GRAMD2B: variants seen among roughly 807,000 people sequenced by gnomAD.
GRAMD2B encodes GRAM domain containing 2B.
A neutral mutation model predicts 59.2 loss-of-function variants in GRAMD2B; 41 were observed. The observed-to-expected ratio is 0.69, with a 90% CI of 0.54 to 0.90. The LOEUF (loss-of-function observed/expected upper bound fraction) is 0.90, where lower values mean the gene tolerates loss of function less well. Among genes scored for constraint, GRAMD2B ranks in the 40% least tolerant of loss-of-function variants. The pLI is 0.00. For missense variants in GRAMD2B, 424 were observed against 500.5 expected, an observed-to-expected ratio of 0.85 and a Z score of 1.46; for synonymous variants, 161 against 182.7, an observed-to-expected ratio of 0.88 and a Z score of 0.96.
chr5:126,450,039 C>G (rs1464728526), intron 1 of GRAMD2B, among the ~76,000 whole-genome samples: 1 of 152,092 alleles, frequency 6.6e-6, no homozygotes, highest in Non-Finnish European at 1.5e-5. Context: ...CTTTTAAGCT[C>G]TCTCTGGCTT....
At chr5:126,445,901 A>T (rs1412213882) in intron 1 of GRAMD2B, among the ~76,000 whole-genome samples, 2 of 152,190 alleles carry the variant, frequency 1.3e-5, no homozygotes, top group African/African-American at 4.8e-5. Context: ...CAGAGCAGGA[A>T]GGGCAAGAGA....
intron 1 of GRAMD2B, among the ~76,000 whole-genome samples, chr5:126,411,237 T>C (rs55748207): frequency 0.024 from 3,705 of 152,194 alleles, 155 homozygotes; most frequent in African/African-American, 0.083. Context: ...CAGTCTGAGG[T>C]CTTACATTAA....
chr5:126,361,976 T>G (rs1355739630), intron 1 of GRAMD2B, among the ~76,000 whole-genome samples: 1 of 152,212 alleles, frequency 6.6e-6, no homozygotes, highest in African/African-American at 2.4e-5. Context: ...TTCCCAGCAA[T>G]GCACACAAGC....
intron 1 of GRAMD2B, chr5:126,371,691 G>A (rs768874673): frequency 1.1e-5 from 10 of 884,192 alleles, no homozygotes; most frequent in Non-Finnish European, 1.5e-5. Flanking sequence ...GGGAAGAGAA[G>A]GTGCAGCCTA....
rs866486852 is a variant in GRAMD2B, at chr5:126,450,680, G to T, written c.84-14746G>T. Among the ~76,000 whole-genome samples, 571 of 117,758 alleles carry T rather than the reference G, an allele frequency of 4.8e-3. 8 individuals carry two copies. The highest frequency in any genetic ancestry group is 0.016 in the African/African-American group (529 of 33,076). The allele number at this position is 117,758 out of a possible 152,430, so 77.3% of individuals were successfully genotyped here. ...AAAAAAAAAAAAAAAAAAAAAAAAT[G>T]TTGCTCACTCTGTCCCGGCCAGTCT... On this transcript the variant is annotated intron_variant, in intron 1 of 13. Transcript: ENST00000285689.
chr5:126,466,223 A>G (rs1447989272), intron 2 of GRAMD2B: 2 of 1,543,572 alleles, frequency 1.3e-6, no homozygotes, highest in African/African-American at 1.4e-5. Flanking sequence ...GAGAACTGCT[A>G]CCTTCTACTT....
In GRAMD2B at chr5:126,423,637, A is replaced by G. The variant is rs763380607; in HGVS notation, c.31A>G (p.Thr11Ala). 2 of 1,610,314 alleles carry G rather than the reference A, an allele frequency of 1.2e-6. 1 individual carries two copies. The change falls in exon 1 of 14, where the codon ACA becomes GCA. Residue 11 changes from threonine (T) to alanine (A), a missense_variant. By Grantham distance (58) the Thr-to-Ala change is moderately conservative (BLOSUM62 0). Coordinates refer to ENST00000285689, the MANE Select transcript of GRAMD2B (RefSeq NM_023927.4). MTELQQDVED[T>A]KPAKVLGKRE... ...TGAACTACAGCAAGATGTGGAAGAC[A>G]CAAAGCCTGCGAAAGTGCTCGGGAA...
At chr5:126,439,666 T>C (rs149860198) in intron 1 of GRAMD2B, among the ~76,000 whole-genome samples, 104 of 152,146 alleles carry the variant, frequency 6.8e-4, no homozygotes, top group African/African-American at 2.4e-3. Context: ...ACAAAAGCAA[T>C]TAGAAATAGT....
chr5:126,362,696 GTTAA>G (rs1171503133), intron 1 of GRAMD2B, among the ~76,000 whole-genome samples: 1 of 152,140 alleles, frequency 6.6e-6, no homozygotes, highest in Non-Finnish European at 1.5e-5. Context: ...AACATTTATG[GTTAA>G]TTAATTTTCA....
At chr5:126,425,942 A>G (rs1231505449) in intron 1 of GRAMD2B, among the ~76,000 whole-genome samples, 2 of 152,068 alleles carry the variant, frequency 1.3e-5, no homozygotes, top group Non-Finnish European at 2.9e-5. Context: ...GTTCTATTGC[A>G]CAGCAAGGAG....
chr5:126,437,145 C>T (rs556288476), intron 1 of GRAMD2B, among the ~76,000 whole-genome samples: 248 of 152,164 alleles, frequency 1.6e-3, no homozygotes, highest in Non-Finnish European at 2.8e-3. Context: ...TGAGTTTTTT[C>T]GAGATATTGC....
intron 1 of GRAMD2B, among the ~76,000 whole-genome samples, chr5:126,437,730 CA>C (rs1419602631): frequency 1.3e-5 from 2 of 152,140 alleles, no homozygotes; most frequent in African/African-American, 4.8e-5. Flanking sequence ...AGGAGAATCC[CA>C]AAAGATAGTC....
intron 1 of GRAMD2B, among the ~76,000 whole-genome samples, chr5:126,413,954 A>T (rs1304348446): frequency 6.6e-6 from 1 of 152,144 alleles, no homozygotes; most frequent in African/African-American, 2.4e-5. Context: ...AGTGCATATT[A>T]GGATTCTCAG....
At chr5:126,443,790 C>A (rs1159966145) in intron 1 of GRAMD2B, among the ~76,000 whole-genome samples, 1 of 152,222 alleles carries the variant, frequency 6.6e-6, no homozygotes, top group Non-Finnish European at 1.5e-5. Flanking sequence ...TGGGTCATGC[C>A]TGTAATCCCA....
chr5:126,459,309 A>G (rs1766928450), intron 1 of GRAMD2B, among the ~76,000 whole-genome samples: 1 of 152,140 alleles, frequency 6.6e-6, no homozygotes, highest in South Asian at 2.1e-4. Flanking sequence ...GGGTCTCTCT[A>G]TGTTGCCCAA....
chr5:126,410,067 T>C (rs1758643608), intron 1 of GRAMD2B, among the ~76,000 whole-genome samples: 1 of 151,928 alleles, frequency 6.6e-6, no homozygotes, highest in African/African-American at 2.4e-5. Flanking sequence ...TTGGTACCAG[T>C]ACCATGCTGT....
chr5:126,371,850 T>C (rs1488987577), intron 1 of GRAMD2B, among the ~76,000 whole-genome samples: 1 of 152,164 alleles, frequency 6.6e-6, no homozygotes, highest in Non-Finnish European at 1.5e-5. Flanking sequence ...ACTATGCAAT[T>C]CCTCAATTCT....
chr5:126,442,633 A>G (rs1440671179), intron 1 of GRAMD2B, among the ~76,000 whole-genome samples: 2 of 152,174 alleles, frequency 1.3e-5, no homozygotes, highest in African/African-American at 2.4e-5. Flanking sequence ...TATGCATTAT[A>G]AAACTTCTAG....
At chr5:126,409,350 T>C (rs1758552474) in intron 1 of GRAMD2B, among the ~76,000 whole-genome samples, 1 of 152,192 alleles carries the variant, frequency 6.6e-6, no homozygotes, top group Non-Finnish European at 1.5e-5. Context: ...CCAGCACTTG[T>C]TGTTTCCTGA....
Sources: gnomAD v4.1 joint callset for allele counts (sites outside exome capture counted in the v4.1 genomes callset) on GRCh38, gnomAD v4.1.1 for gene constraint, MANE v1.5 for transcripts, NCBI Gene and HGNC (gene_info 2026-07-23, HGNC 2026-07-21) for gene names.